Variants in FIBCD1 observed in about 807,000 individuals in gnomAD.
FIBCD1 encodes the protein fibrinogen C domain-containing protein 1.
In FIBCD1, 47 loss-of-function variants were observed where a neutral mutation model predicts 45.1. That is an observed-to-expected ratio of 1.04 (90% CI 0.82 to 1.33). FIBCD1 has a LOEUF of 1.33. Ranked by LOEUF, FIBCD1 falls within the 40% of genes most tolerant of loss-of-function variation. The pLI, the probability that FIBCD1 is intolerant of heterozygous loss-of-function variation, is 0.00. For missense variants in FIBCD1, 653 were observed against 682.2 expected, an observed-to-expected ratio of 0.96 and a Z score of 0.48; for synonymous variants, 313 against 308.1, an observed-to-expected ratio of 1.02 and a Z score of -0.17.
chr9:130,908,746 C>T (rs1831981119), intron 5 of FIBCD1, among the ~76,000 whole-genome samples: 2 of 152,166 alleles, frequency 1.3e-5, no homozygotes, highest in African/African-American at 2.4e-5. Context: ...GGGGTCAGCA[C>T]GGGGTGTGGG....
At chr9:130,920,031 G>A (rs1026060160) in intron 4 of FIBCD1, among the ~76,000 whole-genome samples, 5 of 144,132 alleles carry the variant, frequency 3.5e-5, no homozygotes, top group Non-Finnish European at 7.7e-5. Flanking sequence ...CCCTCCTTCC[G>A]CCCACCTGCA....
chr9:130,932,692 C>T (rs1048427972), intron 1 of FIBCD1, among the ~76,000 whole-genome samples: 1 of 152,226 alleles, frequency 6.6e-6, no homozygotes, highest in South Asian at 2.1e-4. Flanking sequence ...GTGCTCCCCC[C>T]GTTAGGGTGC....
intron 5 of FIBCD1, among the ~76,000 whole-genome samples, chr9:130,907,411 G>A (rs1009085044): frequency 2.6e-5 from 4 of 152,136 alleles, no homozygotes; most frequent in Non-Finnish European, 5.9e-5. Flanking sequence ...TCCCAGCCAC[G>A]TTAGCTGTTC....
intron 4 of FIBCD1, among the ~76,000 whole-genome samples, chr9:130,912,413 AAAAG>A (rs1232910181): frequency 2.1e-4 from 26 of 126,758 alleles, no homozygotes; most frequent in Admixed American, 1.8e-3. Flanking sequence ...AAAAAAAAAA[AAAAG>A]TGGGGTGGGC....
rs986924724 is a variant in FIBCD1 at position 130,911,784 on chromosome 9, G to T, written c.946+8C>A. ...CCACCTGGGCCGGATGGTGGGTGGGGTGCTCACCTAGCCAGTGCTCCCCGG... is the reference window on the plus strand; with the variant it reads ...CCACCTGGGCCGGATGGTGGGTGGGTTGCTCACCTAGCCAGTGCTCCCCGG... On this transcript the variant is annotated splice_region_variant and intron_variant, in intron 5 of 6. Coordinates refer to ENST00000372338, the MANE Select transcript of FIBCD1 (RefSeq NM_032843.5). 2 of 1,591,656 alleles carry T rather than the reference G, an allele frequency of 1.3e-6. No homozygotes were observed. The highest frequency in any genetic ancestry group is 1.7e-6 in the Non-Finnish European group (2 of 1,170,160).
At position 130,905,184 on chromosome 9, in the gene FIBCD1, T is replaced by A. The variant is rs1394669572; in HGVS notation, c.1126+50A>T. On this transcript the variant is annotated intron_variant, in intron 6 of 6. Coordinates refer to ENST00000372338, the MANE Select transcript of FIBCD1 (RefSeq NM_032843.5). Reference sequence around the variant, plus strand: ...AGGGCAGGACCTCCTCCGTCCTCCATCCTCCCAGGCCGCCCCCCTTCCCCA... The same window carrying A: ...AGGGCAGGACCTCCTCCGTCCTCCAACCTCCCAGGCCGCCCCCCTTCCCCA... 11 of 1,564,396 alleles carry A rather than the reference T, an allele frequency of 7.0e-6. No individual in the cohort carries two copies. The Admixed American group carries it at 1.4e-4, about 20-fold the overall frequency.
In FIBCD1 at chr9:130,904,088, G is replaced by A. The variant is rs771234358; in HGVS notation, c.1362C>T (p.Ile454=). The A allele has an allele frequency of 1.9e-6, 3 of 1,613,032 alleles. No homozygotes were observed. In the South Asian group the frequency reaches 3.3e-5, roughly 18 times the overall value. Residue 454 remains isoleucine, a synonymous_variant, in exon 7 of 7, where the codon ATC becomes ATT. Transcript: ENST00000372338. ...QYSLKFSEMK[I]RPVREDR ...TCTAGCGGTCCTCCCGGACCGGCCGGATCTTCATCTCAGAGAACTTGAGTG... is the reference window on the plus strand; with the variant it reads ...TCTAGCGGTCCTCCCGGACCGGCCGAATCTTCATCTCAGAGAACTTGAGTG...
intron 4 of FIBCD1, among the ~76,000 whole-genome samples, chr9:130,923,403 C>G (rs1308298958): frequency 6.6e-6 from 1 of 152,200 alleles, no homozygotes; most frequent in African/African-American, 2.4e-5. Context: ...CCCTGGAACC[C>G]ACGTTAGCAA....
chr9:130,911,125 T>G, intron 5 of FIBCD1, among the ~76,000 whole-genome samples: 1 of 149,718 alleles, frequency 6.7e-6, no homozygotes, highest in East Asian at 1.9e-4. Flanking sequence ...TCTTTCACTC[T>G]TTGGGTCCAC....
At chr9:130,919,271 C>G (rs1398169186) in intron 4 of FIBCD1, among the ~76,000 whole-genome samples, 1 of 152,218 alleles carries the variant, frequency 6.6e-6, no homozygotes, top group African/African-American at 2.4e-5. Context: ...CACCGGTCAC[C>G]TCGCCATTAT....
intron 5 of FIBCD1, among the ~76,000 whole-genome samples, chr9:130,908,262 C>T (rs967880110): frequency 6.6e-6 from 1 of 152,172 alleles, no homozygotes; most frequent in African/African-American, 2.4e-5. Flanking sequence ...GAGGGACTGG[C>T]GCTGTTGACA....
chr9:130,937,168 A>G (rs1399192842), intron 1 of FIBCD1, among the ~76,000 whole-genome samples: 2 of 152,158 alleles, frequency 1.3e-5, no homozygotes, highest in African/African-American at 4.8e-5. Flanking sequence ...CTAGAAGTTA[A>G]GACAGTTCTT....
chr9:130,912,353 C>A (rs1161249842), intron 4 of FIBCD1, among the ~76,000 whole-genome samples: 3 of 138,700 alleles, frequency 2.2e-5, no homozygotes, highest in African/African-American at 8.4e-5. Flanking sequence ...CTGCAGTGAG[C>A]TATGATCGTG....
chr9:130,911,959 C>A, intron 4 of FIBCD1, 71 bp from the exon 5 acceptor site: 1 of 1,414,518 alleles, frequency 7.1e-7, no homozygotes, highest in South Asian at 1.2e-5. Context: ...CTGGGCCCAC[C>A]CCGCCCAGAG....
At chr9:130,925,673 C>T (rs1342536291) in intron 2 of FIBCD1, among the ~76,000 whole-genome samples, 2 of 152,148 alleles carry the variant, frequency 1.3e-5, no homozygotes, top group Non-Finnish European at 2.9e-5. Flanking sequence ...GCAATGCTGT[C>T]CCCCAGCGCC....
intron 5 of FIBCD1, among the ~76,000 whole-genome samples, chr9:130,908,179 G>A (rs4740383): frequency 0.53 from 79,777 of 151,146 alleles, 22,499 homozygotes; most frequent in African/African-American, 0.75. Context: ...TTAATATATA[G>A]AGAGCTTCCA....
chr9:130,931,903 G>T (rs904075368), intron 1 of FIBCD1, among the ~76,000 whole-genome samples: 1 of 152,252 alleles, frequency 6.6e-6, no homozygotes, highest in Non-Finnish European at 1.5e-5. Context: ...AAATGACTTC[G>T]TATATTAAAG....
rs748766723 is a variant in FIBCD1, at chr9:130,929,582, C to T, written c.537G>A (p.Gln179=). ...CCAGCCCTACCTGGATGAGGCGGCC[C>T]TGCTCACTCTGCAGGGCGCTGAGGC... ...GQGLSALQSE[Q]GRLIQLLSES... is the part of the protein sequence containing the mutation. The change falls in exon 2 of 7, where the codon CAG becomes CAA. Residue 179 remains glutamine, a synonymous_variant. Coordinates refer to ENST00000372338, the MANE Select transcript of FIBCD1 (RefSeq NM_032843.5). The T allele has an allele frequency of 6.6e-7, 1 of 1,508,386 alleles. No homozygotes were observed. The highest frequency in any genetic ancestry group is 8.8e-7 in the Non-Finnish European group (1 of 1,131,212). The allele number at this position is 1,508,386 out of a possible 1,614,324, so 93.4% of individuals were successfully genotyped here.
Position 130,924,316 on chromosome 9 carries a change from C to A in FIBCD1, c.633G>T (p.Arg211=). 6.2e-7 allele frequency: 1 copy of A among 1,606,496 alleles called. No individual in the cohort carries two copies. The highest frequency in any genetic ancestry group is 8.5e-7 in the Non-Finnish European group (1 of 1,177,876). ...SDILDALQRD[R]GLGRPRNKAD... Reference sequence around the variant, plus strand: ...CCTTGTTGCGGGGCCGGCCCAGCCCCCGGTCCCTCTGCAGGGCATCCAGGA... The same window carrying A: ...CCTTGTTGCGGGGCCGGCCCAGCCCACGGTCCCTCTGCAGGGCATCCAGGA... Residue 211 remains arginine (R), a synonymous_variant, in exon 3 of 7, where the codon CGG becomes CGT. Transcript: ENST00000372338.
Sources: allele counts gnomAD v4.1 joint callset (sites outside exome capture counted in the v4.1 genomes callset), GRCh38; gene constraint gnomAD v4.1.1; transcripts MANE v1.5; gene names NCBI Gene and HGNC (gene_info 2026-07-23, HGNC 2026-07-21).